NCK1: variants seen among roughly 807,000 people sequenced by gnomAD.
NCK1 encodes SH2/SH3 adapter protein NCK1.
A neutral mutation model predicts 36.6 loss-of-function variants in NCK1; 19 were observed. That is an observed-to-expected ratio of 0.52 (90% CI 0.36 to 0.76). The LOEUF is 0.76. Ranked by LOEUF, NCK1 falls within the 30% of genes least tolerant of loss-of-function variation. NCK1 has a pLI of 0.00. For synonymous variants in NCK1, 165 were observed against 156.0 expected (o/e 1.06, Z -0.43); for missense variants, 358 against 445.6 (o/e 0.80, Z 1.77).
intron 2 of NCK1, among the ~76,000 whole-genome samples, chr3:136,933,694 T>A (rs1940450135): frequency 7.3e-6 from 1 of 137,040 alleles, no homozygotes; most frequent in Admixed American, 7.9e-5. Context: ...AATGCAAGAA[T>A]AAAGATTTAA....
intron 2 of NCK1, among the ~76,000 whole-genome samples, chr3:136,940,426 CT>C (rs1387791021): frequency 6.6e-6 from 1 of 152,038 alleles, no homozygotes; most frequent in Non-Finnish European, 1.5e-5. Flanking sequence ...TCATTTTTTG[CT>C]TTATATGCCT....
chr3:136,900,890 A>T (rs1047342491), intron 1 of NCK1, among the ~76,000 whole-genome samples: 1 of 152,032 alleles, frequency 6.6e-6, no homozygotes, highest in African/African-American at 2.4e-5. Context: ...TCTAATTTGG[A>T]TGCCTTTTCT....
chr3:136,929,484 T>C (rs542252192), intron 2 of NCK1, among the ~76,000 whole-genome samples: 1 of 152,336 alleles, frequency 6.6e-6, no homozygotes, highest in Non-Finnish European at 1.5e-5. Context: ...TTTTGGGTTT[T>C]GTGATTAAGA....
intron 2 of NCK1, among the ~76,000 whole-genome samples, chr3:136,941,248 C>G (rs1053923269): frequency 2.6e-5 from 4 of 151,420 alleles, no homozygotes. Flanking sequence ...ATGTCAGCCT[C>G]TCGAGTAGCT....
intron 1 of NCK1, among the ~76,000 whole-genome samples, chr3:136,878,800 CTA>C (rs1451540764): frequency 2.0e-5 from 3 of 152,120 alleles, no homozygotes; most frequent in East Asian, 3.8e-4. Context: ...AGAAGACTGA[CTA>C]TTGTTTCTGA....
intron 1 of NCK1, among the ~76,000 whole-genome samples, chr3:136,903,080 A>G (rs927008462): frequency 4.6e-5 from 7 of 152,206 alleles, no homozygotes; most frequent in Admixed American, 1.3e-4. Context: ...AGTGGAATCT[A>G]TCTCTCCTTA....
intron 2 of NCK1, among the ~76,000 whole-genome samples, chr3:136,933,153 A>T (rs1235153344): frequency 6.6e-6 from 1 of 152,240 alleles, no homozygotes; most frequent in Non-Finnish European, 1.5e-5. Context: ...TAATGTAGGT[A>T]CTAAAACTCT....
At chr3:136,908,030 G>A (rs111443780) in intron 1 of NCK1, among the ~76,000 whole-genome samples, 5 of 152,288 alleles carry the variant, frequency 3.3e-5, no homozygotes, top group African/African-American at 9.6e-5. Flanking sequence ...AGTAGTGATG[G>A]TGTTTCTGAA....
chr3:136,924,060 A>T (rs745594768), intron 1 of NCK1, among the ~76,000 whole-genome samples: 1 of 152,210 alleles, frequency 6.6e-6, no homozygotes, highest in Non-Finnish European at 1.5e-5. Flanking sequence ...CTAGGCAGTG[A>T]TCATCAGTGG....
intron 1 of NCK1, among the ~76,000 whole-genome samples, chr3:136,869,469 C>T (rs186649447): frequency 2.0e-5 from 3 of 152,212 alleles, no homozygotes; most frequent in East Asian, 1.9e-4. Context: ...CACTTAAACC[C>T]GGGAGGCAGG....
chr3:136,890,298 G>T (rs570434347), intron 1 of NCK1, among the ~76,000 whole-genome samples: 1 of 152,136 alleles, frequency 6.6e-6, no homozygotes, highest in Non-Finnish European at 1.5e-5. Context: ...GAGTGCGTGC[G>T]GGGCCTGCCA....
At chr3:136,918,488 C>G (rs1940021159) in intron 1 of NCK1, among the ~76,000 whole-genome samples, 1 of 152,174 alleles carries the variant, frequency 6.6e-6, no homozygotes, top group Admixed American at 6.5e-5. Flanking sequence ...TGTACAAGTA[C>G]TAGGCCATTT....
At chr3:136,910,376 T>G (rs1207013204) in intron 1 of NCK1, among the ~76,000 whole-genome samples, 1 of 152,216 alleles carries the variant, frequency 6.6e-6, no homozygotes, top group Non-Finnish European at 1.5e-5. Flanking sequence ...ATTTGTCTCT[T>G]ATGTAGAAAA....
At chr3:136,912,075 T>G (rs1939839840) in intron 1 of NCK1, among the ~76,000 whole-genome samples, 1 of 152,162 alleles carries the variant, frequency 6.6e-6, no homozygotes, top group African/African-American at 2.4e-5. Context: ...CTCCTTGTGT[T>G]CATGCTACTT....
At chr3:136,935,192 G>GTTT (rs1940499445) in intron 2 of NCK1, among the ~76,000 whole-genome samples, 2 of 152,158 alleles carry the variant, frequency 1.3e-5, no homozygotes, top group Non-Finnish European at 2.9e-5. Context: ...GAGCCCCCGT[G>GTTT]CTGGGCCATT....
chr3:136,879,873 A>C (rs1938879380), intron 1 of NCK1, among the ~76,000 whole-genome samples: 1 of 151,998 alleles, frequency 6.6e-6, no homozygotes, highest in African/African-American at 2.4e-5. Flanking sequence ...GGATAGCATT[A>C]GGAGAAATAC....
chr3:136,905,020 T>TTC (rs1221148117), intron 1 of NCK1, among the ~76,000 whole-genome samples: 1 of 150,668 alleles, frequency 6.6e-6, no homozygotes, highest in Non-Finnish European at 1.5e-5. Flanking sequence ...TTTTTTTTTT[T>TTC]TTTTCTTTTT....
At chr3:136,887,615 A>T (rs1175752090) in intron 1 of NCK1, among the ~76,000 whole-genome samples, 1 of 152,238 alleles carries the variant, frequency 6.6e-6, no homozygotes, top group Admixed American at 6.5e-5. Context: ...CACCTGGAAC[A>T]GACATAACTT....
chr3:136,867,084 C>G (rs1490520561), intron 1 of NCK1, among the ~76,000 whole-genome samples: 9 of 12,434 alleles, frequency 7.2e-4, no homozygotes, highest in Admixed American at 3.1e-3. Context: ...TTCTTTCTTT[C>G]TTTCTTTCTT....
Sources: gnomAD v4.1 joint callset for allele counts (sites outside exome capture counted in the v4.1 genomes callset) on GRCh38, gnomAD v4.1.1 for gene constraint, MANE v1.5 for transcripts, NCBI Gene and HGNC (gene_info 2026-07-23, HGNC 2026-07-21) for gene names.